Variants in AGAP1 observed in about 807,000 individuals in gnomAD.
AGAP1 encodes the protein ArfGAP with GTPase domain, ankyrin repeat and PH domain 1.
AGAP1 carries 29 observed loss-of-function variants against 105.3 expected under a neutral mutation model. The ratio of observed to expected loss-of-function variants is 0.28; its 90% CI spans 0.21 to 0.38. The LOEUF is 0.38. AGAP1 is among the 10% of genes least tolerant of loss of function. The pLI is 1.00. For missense variants in AGAP1, 998 were observed against 1,165.1 expected (o/e 0.86, Z 2.09); for synonymous variants, 509 against 485.9 (o/e 1.05, Z -0.63).
intron 6 of AGAP1, among the ~76,000 whole-genome samples, chr2:235,790,280 C>T (rs1474494837): frequency 6.6e-6 from 1 of 152,168 alleles, no homozygotes; most frequent in Non-Finnish European, 1.5e-5. Flanking sequence ...AGCTTAGAAT[C>T]ATCAGATGAC....
intron 16 of AGAP1, among the ~76,000 whole-genome samples, chr2:236,077,666 T>C (rs2058676873): frequency 6.6e-6 from 1 of 152,166 alleles, no homozygotes; most frequent in East Asian, 1.9e-4. Context: ...CAATAATCCG[T>C]CCATGGTTGA....
Position 235,967,730 on chromosome 2 carries a change from T to C in AGAP1, c.1484-732T>C, listed in dbSNP as rs542606122. On this transcript the variant is annotated intron_variant, in intron 12 of 17. Coordinates refer to ENST00000304032, the MANE Select transcript of AGAP1 (RefSeq NM_001037131.3). This position sits in a 1 kb window ranked among gnomAD's most constrained non-coding sequence, Gnocchi z 4.7. ...CACCCGGCTTGAATTATATGCGCGTTCTGGTCATGTAGTACCGCTTTGGCC... is the reference window on the plus strand; with the variant it reads ...CACCCGGCTTGAATTATATGCGCGTCCTGGTCATGTAGTACCGCTTTGGCC... Among the ~76,000 whole-genome samples, 3 of 152,308 alleles carry C rather than the reference T, an allele frequency of 2.0e-5. No individual in the cohort carries two copies. In the East Asian group the frequency reaches 5.8e-4, roughly 29 times the overall value.
chr2:235,748,539 C>A (rs1953156800), intron 5 of AGAP1, among the ~76,000 whole-genome samples: 1 of 152,156 alleles, frequency 6.6e-6, no homozygotes, highest in Admixed American at 6.5e-5. Flanking sequence ...GGGGGTGCAG[C>A]CTATGGAGGC....
intron 11 of AGAP1, among the ~76,000 whole-genome samples, chr2:235,924,359 G>A (rs1559652119): frequency 6.6e-6 from 1 of 152,032 alleles, no homozygotes; most frequent in Non-Finnish European, 1.5e-5. Context: ...TCTGCCTTGC[G>A]TTTGGGCCAC....
At chr2:235,768,893 GTTTC>G (rs1237653212) in intron 6 of AGAP1, among the ~76,000 whole-genome samples, 5 of 152,160 alleles carry the variant, frequency 3.3e-5, no homozygotes, top group Non-Finnish European at 7.4e-5. Context: ...TCCCAGATCT[GTTTC>G]TTACAGAAGA....
chr2:235,625,508 A>T lies in AGAP1; in HGVS notation c.164-83671A>T, dbSNP rs1292915913. On this transcript the variant is annotated intron_variant, in intron 1 of 17. Coordinates refer to ENST00000304032, the MANE Select transcript of AGAP1 (RefSeq NM_001037131.3). This position sits in a 1 kb window ranked among gnomAD's most constrained non-coding sequence, Gnocchi z 4.0. Reference sequence around the variant, plus strand: ...TTTGAAAGAGAAAACCATGCTTTGCATGTGTCTTTTTACCAACCCAATGAG... The same window carrying T: ...TTTGAAAGAGAAAACCATGCTTTGCTTGTGTCTTTTTACCAACCCAATGAG... Among the ~76,000 whole-genome samples the T allele has an allele frequency of 6.6e-6, 1 of 152,228 alleles. No individual in the cohort carries two copies. The highest frequency in any genetic ancestry group is 2.4e-5 in the African/African-American group (1 of 41,458).
intron 1 of AGAP1, among the ~76,000 whole-genome samples, chr2:235,693,996 A>T (rs956024997): frequency 6.6e-6 from 1 of 152,204 alleles, no homozygotes; most frequent in South Asian, 2.1e-4. Flanking sequence ...TGGAAGCTGC[A>T]TAGTTAACTG....
chr2:235,544,884 G>A (rs1004863819), intron 1 of AGAP1, among the ~76,000 whole-genome samples: 8 of 152,106 alleles, frequency 5.3e-5, no homozygotes, highest in Non-Finnish European at 1.0e-4. Flanking sequence ...CTCAATACTC[G>A]AGTATTCTTG....
Position 235,662,954 on chromosome 2 carries a change from T to G in AGAP1, c.164-46225T>G, listed in dbSNP as rs961104264. Among the ~76,000 whole-genome samples the G allele has an allele frequency of 6.6e-5, 10 of 152,184 alleles. No homozygotes were observed. The highest frequency in any genetic ancestry group is 1.3e-4 in the Non-Finnish European group (9 of 68,040). On this transcript the variant is annotated intron_variant, in intron 1 of 17. Coordinates refer to ENST00000304032, the MANE Select transcript of AGAP1 (RefSeq NM_001037131.3). This position sits in a 1 kb window ranked among gnomAD's most constrained non-coding sequence, Gnocchi z 4.2. ...TGCATGTTCTAACTAGGAGGGCAGG[T>G]AGCTGCCGCTCCCAGCAGCCCCTGA...
intron 1 of AGAP1, among the ~76,000 whole-genome samples, chr2:235,584,933 A>C (rs1945055540): frequency 6.9e-6 from 1 of 143,890 alleles, no homozygotes. Flanking sequence ...TTTAAAGAAA[A>C]CCCAAAACCA....
At chr2:235,519,340 T>C (rs1942528566) in intron 1 of AGAP1, among the ~76,000 whole-genome samples, 1 of 152,150 alleles carries the variant, frequency 6.6e-6, no homozygotes, top group Non-Finnish European at 1.5e-5. Context: ...CCCGAGTTGC[T>C]GGGGTTACAG....
Position 235,887,075 on chromosome 2 carries a change from C to T in AGAP1, c.1155+3626C>T, listed in dbSNP as rs1042889554. Among the ~76,000 whole-genome samples the T allele has an allele frequency of 6.6e-6, 1 of 152,154 alleles. No homozygotes were observed. Among genetic ancestry groups the T allele is most frequent in the Non-Finnish European group, 1.5e-5 (1 of 68,034 alleles). On this transcript the variant is annotated intron_variant, in intron 10 of 17. Coordinates refer to ENST00000304032, the MANE Select transcript of AGAP1 (RefSeq NM_001037131.3). This position sits in a 1 kb window ranked among gnomAD's most constrained non-coding sequence, Gnocchi z 4.1. ...CTAGTTCAGGTCCCAAAATTTTACA[C>T]CGTGAGAGTGACCCAGTTATCTCAG...
Position 236,042,641 on chromosome 2 carries a change from G to T in AGAP1, c.1891+1800G>T, listed in dbSNP as rs1293169587. Reference sequence around the variant, plus strand: ...AGGAAAGCCATCCGTGGCTTGCGGGGACCATGATACCTGGCAAATCGGAGG... The same window carrying T: ...AGGAAAGCCATCCGTGGCTTGCGGGTACCATGATACCTGGCAAATCGGAGG... On this transcript the variant is annotated intron_variant, in intron 15 of 17. Transcript: ENST00000304032. The surrounding 1 kb of genome is among the most constrained non-coding windows in gnomAD (Gnocchi z 5.6). Among the ~76,000 whole-genome samples, 3 of 152,144 alleles carry T rather than the reference G, an allele frequency of 2.0e-5. No individual in the cohort carries two copies. The highest frequency in any genetic ancestry group is 1.9e-4 in the East Asian group (1 of 5,182).
At chr2:235,978,474 G>A (rs1198627110) in intron 13 of AGAP1, among the ~76,000 whole-genome samples, 3 of 152,200 alleles carry the variant, frequency 2.0e-5, no homozygotes, top group Non-Finnish European at 4.4e-5. Context: ...CTGCTTGTGC[G>A]CTACCTCATT....
At chr2:235,860,449 C>T (rs558563727) in intron 9 of AGAP1, among the ~76,000 whole-genome samples, 13 of 152,228 alleles carry the variant, frequency 8.5e-5, no homozygotes, top group African/African-American at 2.4e-4. Context: ...CCACTGTCTC[C>T]CCATACCTTC....
Position 236,096,581 on chromosome 2 carries a change from A to G in AGAP1, c.2115-23611A>G, listed in dbSNP as rs949669143. On this transcript the variant is annotated intron_variant, in intron 16 of 17. Transcript: ENST00000304032. The surrounding 1 kb of genome is among the most constrained non-coding windows in gnomAD (Gnocchi z 4.4). Reference sequence around the variant, plus strand: ...AATGATGCAGTTTTATTTTTTATTTATTTTTTATTTTTTTGGGACAGAGTC... The same window carrying G: ...AATGATGCAGTTTTATTTTTTATTTGTTTTTTATTTTTTTGGGACAGAGTC... Among the ~76,000 whole-genome samples the G allele has an allele frequency of 2.0e-5, 3 of 151,014 alleles. No homozygotes were observed. Among genetic ancestry groups the G allele is most frequent in the African/African-American group, 7.3e-5 (3 of 41,130 alleles).
chr2:235,854,721 G>A lies in AGAP1; in HGVS notation c.1051-28624G>A, dbSNP rs1321710181. Among the ~76,000 whole-genome samples the A allele has an allele frequency of 2.0e-5, 3 of 152,224 alleles. No homozygotes were observed. In the East Asian group the frequency reaches 5.8e-4, roughly 29 times the overall value. ...TTAAGTGGCAGTTGCTGATGGCAGT[G>A]AATTGTGGAGTGATAGGTACTGTCA... On this transcript the variant is annotated intron_variant, in intron 9 of 17. Transcript: ENST00000304032.
chr2:235,805,999 A>G (rs76190566), intron 8 of AGAP1, among the ~76,000 whole-genome samples: 1 of 152,190 alleles, frequency 6.6e-6, no homozygotes, highest in Non-Finnish European at 1.5e-5. Flanking sequence ...CTGAGTTTCC[A>G]TCATGGGAAC....
At position 236,123,507 on chromosome 2, in the gene AGAP1, G is replaced by T. The variant is rs1357262400; in HGVS notation, c.2371-412G>T. Among the ~76,000 whole-genome samples the T allele has an allele frequency of 6.6e-6, 1 of 152,016 alleles. No individual in the cohort carries two copies. The highest frequency in any genetic ancestry group is 2.4e-5 in the African/African-American group (1 of 41,366). Reference sequence around the variant, plus strand: ...AAAGGAAATACACTAATTCACAAAGGTTATCTCTAAGTAGTAAGATTATGG... The same window carrying T: ...AAAGGAAATACACTAATTCACAAAGTTTATCTCTAAGTAGTAAGATTATGG... On this transcript the variant is annotated intron_variant, in intron 17 of 17. Transcript: ENST00000304032. This position sits in a 1 kb window ranked among gnomAD's most constrained non-coding sequence, Gnocchi z 4.6.
Sources: gnomAD v4.1 joint callset for allele counts (sites outside exome capture counted in the v4.1 genomes callset) on GRCh38, gnomAD v4.1.1 for gene constraint, Gnocchi (gnomAD v3.1) non-coding constraint, MANE v1.5 for transcripts, NCBI Gene and HGNC (gene_info 2026-07-23, HGNC 2026-07-21) for gene names.